SHANK2: variants seen among roughly 807,000 people sequenced by gnomAD.
SHANK2 encodes SH3 and multiple ankyrin repeat domains 2, also known as SH3 and multiple ankyrin repeat domains protein 2.
In SHANK2, 43 loss-of-function variants were observed where a neutral mutation model predicts 133.7. That is an observed-to-expected ratio of 0.32 (90% confidence interval 0.25 to 0.41). The LOEUF is 0.41. Ranked by LOEUF, SHANK2 falls within the 10% of genes least tolerant of loss-of-function variation. The pLI is 1.00. For missense variants in SHANK2, 1,994 were observed against 2,235.8 expected, an observed-to-expected ratio of 0.89 and a Z score of 2.18; for synonymous variants, 1,017 against 952.8, an observed-to-expected ratio of 1.07 and a Z score of -1.24.
intron 15 of SHANK2, among the ~76,000 whole-genome samples, chr11:70,678,441 T>G (rs1467102378): frequency 6.6e-6 from 1 of 151,638 alleles, no homozygotes; most frequent in African/African-American, 2.4e-5. Flanking sequence ...GCCTCCTGCC[T>G]GTTCTTTATT....
intron 10 of SHANK2, among the ~76,000 whole-genome samples, chr11:70,940,066 T>C (rs115444809): frequency 0.013 from 1,926 of 152,128 alleles, 40 homozygotes; most frequent in African/African-American, 0.043. Context: ...AGATGAAGAA[T>C]GGTTTTTCCC....
intron 10 of SHANK2, among the ~76,000 whole-genome samples, chr11:70,936,608 C>T (rs1257999723): frequency 3.3e-5 from 5 of 152,210 alleles, no homozygotes; most frequent in Non-Finnish European, 7.3e-5. Flanking sequence ...TTTGTCTTTG[C>T]TATTTATTTC....
At chr11:70,632,303 T>C (rs2061003337) in intron 17 of SHANK2, among the ~76,000 whole-genome samples, 1 of 151,968 alleles carries the variant, frequency 6.6e-6, no homozygotes, top group Non-Finnish European at 1.5e-5. Context: ...TTTTTTGTAT[T>C]TTTAGTAGAG....
intron 15 of SHANK2, among the ~76,000 whole-genome samples, chr11:70,681,879 G>C (rs1555018479): frequency 6.6e-6 from 1 of 152,072 alleles, no homozygotes; most frequent in Non-Finnish European, 1.5e-5. Flanking sequence ...TTCTGCACGG[G>C]CTTCAGGTCA....
chr11:71,244,702 G>T (rs1954939034), intron 1 of SHANK2, among the ~76,000 whole-genome samples: 1 of 152,140 alleles, frequency 6.6e-6, no homozygotes, highest in South Asian at 2.1e-4. Flanking sequence ...TTCTCACCAA[G>T]TGTTTTTTTG....
chr11:70,620,948 C>T (rs1335568706), intron 17 of SHANK2, among the ~76,000 whole-genome samples: 1 of 152,234 alleles, frequency 6.6e-6, no homozygotes, highest in Non-Finnish European at 1.5e-5. Context: ...AACCTTATTA[C>T]AGCAACCCAA....
intron 8 of SHANK2, among the ~76,000 whole-genome samples, chr11:71,085,884 AC>A (rs1269984857): frequency 0.98 from 31,672 of 32,220 alleles, 15,562 homozygotes; most frequent in Middle Eastern, 1. Context: ...TATTTATATA[AC>A]CTTAATATAT....
chr11:70,921,311 G>A (rs1370609301), intron 10 of SHANK2, among the ~76,000 whole-genome samples: 5 of 152,238 alleles, frequency 3.3e-5, no homozygotes, highest in African/African-American at 9.6e-5. Context: ...GAGCAGATGT[G>A]CTAAAGCTGC....
intron 1 of SHANK2, among the ~76,000 whole-genome samples, chr11:71,250,110 G>A (rs564252642): frequency 3.9e-4 from 53 of 136,698 alleles, no homozygotes; most frequent in Admixed American, 1.0e-3. Flanking sequence ...CCAACAGACC[G>A]CCCCCCTCCC....
chr11:70,794,060 C>T (rs1001554069), intron 14 of SHANK2, among the ~76,000 whole-genome samples: 1 of 152,158 alleles, frequency 6.6e-6, no homozygotes, highest in East Asian at 1.9e-4. Flanking sequence ...GCAGGTGGAT[C>T]CCTTGAGGTC....
intron 1 of SHANK2, among the ~76,000 whole-genome samples, chr11:71,233,724 C>T (rs979526104): frequency 6.6e-6 from 1 of 152,136 alleles, no homozygotes; most frequent in Non-Finnish European, 1.5e-5. Flanking sequence ...CCCCCAGTAG[C>T]GAATAACTGA....
chr11:70,583,539 C>T (rs143624550), intron 17 of SHANK2, among the ~76,000 whole-genome samples: 1,620 of 152,300 alleles, frequency 0.011, 30 homozygotes, highest in African/African-American at 0.037. Context: ...TGACTTCTGG[C>T]TCCAAGGAGG....
chr11:70,522,267 C>A (rs1466947922), intron 17 of SHANK2, among the ~76,000 whole-genome samples: 1 of 152,216 alleles, frequency 6.6e-6, no homozygotes. Context: ...TATCCTGCTG[C>A]GTGCATGGCT....
At chr11:70,923,269 G>C (rs1392173243) in intron 10 of SHANK2, among the ~76,000 whole-genome samples, 5 of 152,178 alleles carry the variant, frequency 3.3e-5, no homozygotes, top group Non-Finnish European at 5.9e-5. Flanking sequence ...TTGAGATGGA[G>C]TCTTTCTCTG....
At chr11:70,548,370 T>C (rs2059721429) in intron 17 of SHANK2, among the ~76,000 whole-genome samples, 1 of 152,232 alleles carries the variant, frequency 6.6e-6, no homozygotes, top group Non-Finnish European at 1.5e-5. Flanking sequence ...TGATCCCAGG[T>C]GGGGAGACTC....
At chr11:70,734,429 G>A (rs912576755) in intron 14 of SHANK2, among the ~76,000 whole-genome samples, 5 of 152,180 alleles carry the variant, frequency 3.3e-5, no homozygotes, top group Admixed American at 6.5e-5. Flanking sequence ...CCCATACCCA[G>A]TCCACACGCT....
At chr11:70,706,199 C>A (rs528738235) in intron 14 of SHANK2, 68 of 152,628 alleles carry the variant, frequency 4.5e-4, no homozygotes, top group Middle Eastern at 3.4e-3. Flanking sequence ...CACCTCAGGG[C>A]CTTTGTGTGT....
At chr11:70,775,664 A>T (rs1947348054) in intron 14 of SHANK2, among the ~76,000 whole-genome samples, 1 of 152,110 alleles carries the variant, frequency 6.6e-6, no homozygotes, top group South Asian at 2.1e-4. Flanking sequence ...CGGTGCTCCT[A>T]AGCCACACAA....
intron 10 of SHANK2, among the ~76,000 whole-genome samples, chr11:70,913,254 C>T (rs1950222029): frequency 6.6e-6 from 1 of 151,984 alleles, no homozygotes; most frequent in Admixed American, 6.6e-5. Context: ...CCTTCTTTTC[C>T]TTCATTTGTC....
Sources: allele counts gnomAD v4.1 joint callset (sites outside exome capture counted in the v4.1 genomes callset), GRCh38; gene constraint gnomAD v4.1.1; transcripts MANE v1.5; gene names NCBI Gene and HGNC (gene_info 2026-07-23, HGNC 2026-07-21).